Variants in VAV3 observed in about 807,000 individuals in gnomAD.
VAV3 encodes the protein vav guanine nucleotide exchange factor 3, also known as guanine nucleotide exchange factor VAV3.
In VAV3, 94 loss-of-function variants were observed where a neutral mutation model predicts 131.2. That is an observed-to-expected ratio of 0.72 (90% CI 0.61 to 0.85). The LOEUF (loss-of-function observed/expected upper bound fraction) is 0.85. Ranked by LOEUF, VAV3 falls within the 40% of genes least tolerant of loss-of-function variation. The pLI is 0.00. For missense variants in VAV3, 939 were observed against 1,002.7 expected, an observed-to-expected ratio of 0.94 and a Z score of 0.86; for synonymous variants, 349 against 342.0, an observed-to-expected ratio of 1.02 and a Z score of -0.22.
At chr1:107,926,138 C>A (rs1673148626) in intron 1 of VAV3, among the ~76,000 whole-genome samples, 1 of 151,846 alleles carries the variant, frequency 6.6e-6, no homozygotes, top group Admixed American at 6.6e-5. Context: ...AAAAATTAGC[C>A]AGGCATGGTG....
intron 2 of VAV3, among the ~76,000 whole-genome samples, chr1:107,850,835 G>T (rs1424530828): frequency 6.6e-6 from 1 of 151,858 alleles, no homozygotes; most frequent in African/African-American, 2.4e-5. Context: ...CCTATTATCT[G>T]CAAACATCTA....
At chr1:107,729,755 G>T (rs1662105930) in intron 15 of VAV3, among the ~76,000 whole-genome samples, 1 of 152,184 alleles carries the variant, frequency 6.6e-6, no homozygotes, top group African/African-American at 2.4e-5. Context: ...CAGAAAATAT[G>T]AATTATCTCA....
At chr1:107,639,918 A>T (rs1655214679) in intron 20 of VAV3, among the ~76,000 whole-genome samples, 1 of 150,536 alleles carries the variant, frequency 6.6e-6, no homozygotes, top group African/African-American at 2.4e-5. Flanking sequence ...CCTGGGCAAC[A>T]GAGGAAGACC....
At chr1:107,699,773 A>G (rs1187724759) in intron 17 of VAV3, among the ~76,000 whole-genome samples, 2 of 151,970 alleles carry the variant, frequency 1.3e-5, no homozygotes, top group African/African-American at 4.8e-5. Flanking sequence ...GATTTTATTC[A>G]GGAACAATTG....
rs569580023 is a variant in VAV3 at position 107,836,496 on chromosome 1, T to C, written c.321+38405A>G. ...TTTAAAAGTTCTCAAATTAACAATC[T>C]AACACTGCACCTACAGGAACTGGAA... is the stretch of plus-strand genomic sequence containing the variant. On this transcript the variant is annotated intron_variant, in intron 2 of 26. Coordinates refer to ENST00000370056, the MANE Select transcript of VAV3 (RefSeq NM_006113.5). Among the ~76,000 whole-genome samples the C allele has an allele frequency of 4.0e-4, 61 of 152,210 alleles. 1 individual carries two copies. Among genetic ancestry groups the C allele is most frequent in the Non-Finnish European group, 1.2e-4 (8 of 68,014 alleles).
chr1:107,812,232 G>A (rs1476683082), intron 2 of VAV3, among the ~76,000 whole-genome samples: 1 of 152,176 alleles, frequency 6.6e-6, no homozygotes, highest in African/African-American at 2.4e-5. Flanking sequence ...ACTGCTGGCA[G>A]AGTTGACACT....
At chr1:107,700,850 G>A (rs551231965) in intron 17 of VAV3, among the ~76,000 whole-genome samples, 1 of 152,252 alleles carries the variant, frequency 6.6e-6, no homozygotes, top group South Asian at 2.1e-4. Flanking sequence ...GGTATTTCTG[G>A]TTCTAGGTCT....
chr1:107,581,245 T>C (rs1246281692), intron 25 of VAV3, among the ~76,000 whole-genome samples: 1 of 152,212 alleles, frequency 6.6e-6, no homozygotes, highest in Non-Finnish European at 1.5e-5. Flanking sequence ...TTCAACTCCA[T>C]ATTAGCATAG....
intron 2 of VAV3, among the ~76,000 whole-genome samples, chr1:107,840,902 A>G (rs550508603): frequency 4.6e-5 from 7 of 151,486 alleles, no homozygotes; most frequent in African/African-American, 1.7e-4. Context: ...CAAGGGATCA[A>G]CATGTTCAGA....
intron 2 of VAV3, among the ~76,000 whole-genome samples, chr1:107,835,599 T>C (rs1668441307): frequency 6.6e-6 from 1 of 152,100 alleles, no homozygotes; most frequent in Non-Finnish European, 1.5e-5. Flanking sequence ...AGCCCAATGA[T>C]CTGGGCAAAG....
intron 15 of VAV3, among the ~76,000 whole-genome samples, chr1:107,727,145 A>G (rs1661893940): frequency 6.6e-6 from 1 of 152,246 alleles, no homozygotes; most frequent in South Asian, 2.1e-4. Flanking sequence ...ATAGATTACA[A>G]ATAGTTTTCA....
intron 15 of VAV3, among the ~76,000 whole-genome samples, chr1:107,719,199 A>T (rs1661326935): frequency 6.6e-6 from 1 of 152,188 alleles, no homozygotes; most frequent in South Asian, 2.1e-4. Context: ...AAGCCAAAAT[A>T]GACAAATGGG....
chr1:107,826,963 T>A lies in VAV3; in HGVS notation c.322-47471A>T, dbSNP rs991334075. ...TTAAAAAGATAATATTTTAATAGTA[T>A]CTACCATTTGCTGTATAAATCTTAT... On this transcript the variant is annotated intron_variant, in intron 2 of 26. Coordinates refer to ENST00000370056, the MANE Select transcript of VAV3 (RefSeq NM_006113.5). 3.3e-5 allele frequency among the ~76,000 whole-genome samples: 5 copies of A among 152,268 alleles called. No individual in the cohort carries two copies. In the East Asian group the frequency reaches 9.6e-4, roughly 29 times the overall value.
At chr1:107,633,797 G>A (rs77735683) in intron 20 of VAV3, among the ~76,000 whole-genome samples, 6,806 of 152,226 alleles carry the variant, frequency 0.045, 182 homozygotes, top group Middle Eastern at 0.088. Context: ...CTGTGAGGAA[G>A]ATAAGGAACC....
intron 19 of VAV3, among the ~76,000 whole-genome samples, chr1:107,662,349 A>T (rs1300181122): frequency 6.6e-6 from 1 of 152,162 alleles, no homozygotes; most frequent in Non-Finnish European, 1.5e-5. Flanking sequence ...ACAAAAGAAT[A>T]CTGTCTCAAT....
At chr1:107,937,414 G>A (rs974993275) in intron 1 of VAV3, among the ~76,000 whole-genome samples, 8 of 152,176 alleles carry the variant, frequency 5.3e-5, no homozygotes, top group African/African-American at 1.9e-4. Flanking sequence ...ATCTCTGCCT[G>A]CCAAATACCA....
chr1:107,858,330 C>A (rs1176971444), intron 2 of VAV3, among the ~76,000 whole-genome samples: 1 of 152,158 alleles, frequency 6.6e-6, no homozygotes, highest in African/African-American at 2.4e-5. Context: ...CTCTTCTAAA[C>A]CTTCCTTCAA....
intron 2 of VAV3, among the ~76,000 whole-genome samples, chr1:107,869,937 T>G (rs1356299706): frequency 6.6e-6 from 1 of 152,212 alleles, no homozygotes; most frequent in East Asian, 1.9e-4. Context: ...AGAATAATAG[T>G]CTCCAGTTCC....
chr1:107,887,981 T>C (rs1039480626), intron 1 of VAV3, among the ~76,000 whole-genome samples: 20 of 149,990 alleles, frequency 1.3e-4, no homozygotes, highest in African/African-American at 4.0e-4. Flanking sequence ...CCAACCAGGC[T>C]GTTTTGGTTC....
Sources: gnomAD v4.1 joint callset for allele counts (sites outside exome capture counted in the v4.1 genomes callset) on GRCh38, gnomAD v4.1.1 for gene constraint, MANE v1.5 for transcripts, NCBI Gene and HGNC (gene_info 2026-07-23, HGNC 2026-07-21) for gene names.